The following STAG1 variants were observed in gnomAD, a reference collection of about 807,000 sequenced individuals.
STAG1 encodes STAG1 cohesin complex component.
Under a neutral mutation model 170.9 loss-of-function variants are expected in STAG1, and 26 were observed. The ratio of observed to expected loss-of-function variants is 0.15; its 90% CI spans 0.11 to 0.21. The LOEUF is 0.21. Among genes scored for constraint, STAG1 ranks in the 10% least tolerant of loss-of-function variants. The pLI is 1.00. For synonymous variants in STAG1, 514 were observed against 497.7 expected, an observed-to-expected ratio of 1.03 and a Z score of -0.44; for missense variants, 964 against 1,509.5, an observed-to-expected ratio of 0.64 and a Z score of 5.99.
At chr3:136,589,594 G>A (rs1480807874) in intron 4 of STAG1, among the ~76,000 whole-genome samples, 1 of 139,516 alleles carries the variant, frequency 7.2e-6, no homozygotes. Flanking sequence ...CCAAGATCGT[G>A]CCACTGCACT....
At chr3:136,505,759 G>A (rs541708750) in intron 7 of STAG1, among the ~76,000 whole-genome samples, 47 of 152,252 alleles carry the variant, frequency 3.1e-4, no homozygotes, top group African/African-American at 9.9e-4. Flanking sequence ...AAAAAACCAC[G>A]TCAGTTAATG....
intron 3 of STAG1, among the ~76,000 whole-genome samples, chr3:136,604,708 T>G (rs1028147575): frequency 7.2e-5 from 11 of 152,160 alleles, no homozygotes; most frequent in African/African-American, 2.7e-4. Flanking sequence ...TGGAGTGCAG[T>G]GGCACTCTCT....
Position 136,336,573 on chromosome 3 carries a change from A to C in STAG1, c.*1681T>G, listed in dbSNP as rs777081750. 13 of 152,256 alleles carry C rather than the reference A, an allele frequency of 8.5e-5. No homozygotes were observed. The highest frequency in any genetic ancestry group is 1.8e-4 in the Non-Finnish European group (12 of 68,060). 9.4% of individuals were successfully genotyped at this position (152,256 alleles called of 1,614,324 possible). On this transcript the variant is annotated 3_prime_UTR_variant, in exon 34 of 34. Coordinates refer to ENST00000383202, the MANE Select transcript of STAG1 (RefSeq NM_005862.3). ...ACAGGCAGGCAGGGCTGGGGTGGAC[A>C]GTCCAGTCATTCCTGCACCTTCACT...
chr3:136,500,361 T>C (rs1444842518), intron 8 of STAG1, 65 bp from the exon 9 acceptor site: 5 of 1,077,378 alleles, frequency 4.6e-6, no homozygotes, highest in South Asian at 2.9e-5. Context: ...ACAGCTCCAA[T>C]TGTTTTTAAT....
At chr3:136,502,114 G>A (rs1449534716) in intron 8 of STAG1, among the ~76,000 whole-genome samples, 1 of 151,946 alleles carries the variant, frequency 6.6e-6, no homozygotes, top group Non-Finnish European at 1.5e-5. Context: ...GGAGGTGGAG[G>A]TTGCGGTGAG....
At chr3:136,490,454 T>C (rs2090102854) in intron 9 of STAG1, among the ~76,000 whole-genome samples, 1 of 152,194 alleles carries the variant, frequency 6.6e-6, no homozygotes. Flanking sequence ...ACTGCATCAC[T>C]AAGAGTCTCA....
chr3:136,449,819 A>G lies in STAG1; in HGVS notation c.1428+2214T>C, dbSNP rs547021422. Among the ~76,000 whole-genome samples, 85 of 152,266 alleles carry G rather than the reference A, an allele frequency of 5.6e-4. 1 individual carries two copies. The South Asian group carries it at 0.017, about 31-fold the overall frequency. ...AACATTTTCCTTTAATGAATAATCAAAGTCAGTTAGCGAAGATCATCATAT... is the reference window on the plus strand; with the variant it reads ...AACATTTTCCTTTAATGAATAATCAGAGTCAGTTAGCGAAGATCATCATAT... On this transcript the variant is annotated intron_variant, in intron 14 of 33. Transcript: ENST00000383202.
At chr3:136,562,555 A>G (rs1224079638) in intron 5 of STAG1, among the ~76,000 whole-genome samples, 1 of 149,368 alleles carries the variant, frequency 6.7e-6, no homozygotes, top group Non-Finnish European at 1.5e-5. Flanking sequence ...ATGTTTCTTT[A>G]CTCTACTTTA....
chr3:136,718,398 C>T (rs1463968364), intron 1 of STAG1, among the ~76,000 whole-genome samples: 2 of 152,078 alleles, frequency 1.3e-5, no homozygotes, highest in Non-Finnish European at 1.5e-5. Flanking sequence ...TACATTTTTA[C>T]ACTGTTCTAA....
chr3:136,566,473 C>T (rs966920811), intron 5 of STAG1, among the ~76,000 whole-genome samples: 2 of 152,166 alleles, frequency 1.3e-5, no homozygotes, highest in African/African-American at 2.4e-5. Context: ...CAAAGTAAGG[C>T]AGCTGCACAT....
intron 29 of STAG1, among the ~76,000 whole-genome samples, chr3:136,347,152 T>A (rs1476143117): frequency 6.6e-6 from 1 of 150,842 alleles, no homozygotes; most frequent in South Asian, 2.1e-4. Flanking sequence ...CCCAGCACTT[T>A]GAGAAGCCAA....
Position 136,343,878 on chromosome 3 carries a change from G to C in STAG1, c.3400C>G (p.Gln1134Glu). Residue 1134 changes from glutamine (Q) to glutamate (E), a missense_variant, in exon 30 of 34, where the codon CAA (glutamine) becomes GAA (glutamate). By Grantham distance (29) the Gln-to-Glu change is conservative. Transcript: ENST00000383202. ...GAACCATGTTCAGACTCAGGTTCTTGAATCTGGTCTCCCATGGGCCGACTG... is the reference window on the plus strand; with the variant it reads ...GAACCATGTTCAGACTCAGGTTCTTCAATCTGGTCTCCCATGGGCCGACTG... The part of the protein sequence containing the change: ...ENSRPMGDQI[Q>E]EPESEHGSEP... The C allele has an allele frequency of 1.3e-6, 2 of 1,599,540 alleles. No homozygotes were observed. Among genetic ancestry groups the C allele is most frequent in the Non-Finnish European group, 1.7e-6 (2 of 1,173,422 alleles).
intron 9 of STAG1, among the ~76,000 whole-genome samples, chr3:136,498,284 T>TAC (rs71157390): frequency 0.064 from 5,548 of 86,320 alleles, 309 homozygotes; most frequent in African/African-American, 0.09. Flanking sequence ...CACACACACA[T>TAC]ACACACACAC....
intron 1 of STAG1, among the ~76,000 whole-genome samples, chr3:136,714,925 AAT>A (rs1290899528): frequency 1.8e-5 from 2 of 108,332 alleles, no homozygotes; most frequent in Non-Finnish European, 3.5e-5. Context: ...AAAAAAAACA[AAT>A]ATATATATTA....
At chr3:136,453,330 G>A (rs1182145298) in intron 13 of STAG1, among the ~76,000 whole-genome samples, 2 of 152,024 alleles carry the variant, frequency 1.3e-5, no homozygotes, top group African/African-American at 2.4e-5. Flanking sequence ...GGTGGCTCAC[G>A]CCTATAATCC....
intron 13 of STAG1, among the ~76,000 whole-genome samples, chr3:136,460,519 T>C (rs1213796243): frequency 6.6e-6 from 1 of 152,064 alleles, no homozygotes; most frequent in Non-Finnish European, 1.5e-5. Flanking sequence ...GTAGAATCGC[T>C]TGAACCCAGG....
At chr3:136,496,425 A>T (rs72989425) in intron 9 of STAG1, among the ~76,000 whole-genome samples, 1 of 152,350 alleles carries the variant, frequency 6.6e-6, no homozygotes, top group South Asian at 2.1e-4. Flanking sequence ...CAATAAATTT[A>T]GAAGCATTCA....
In STAG1 at chr3:136,361,758, C is replaced by T. The variant is rs570616750; in HGVS notation, c.2787+1608G>A. Among the ~76,000 whole-genome samples the T allele has an allele frequency of 2.0e-5, 3 of 152,104 alleles. No homozygotes were observed. In the East Asian group the frequency reaches 5.8e-4, roughly 29 times the overall value. On this transcript the variant is annotated intron_variant, in intron 26 of 33. Coordinates refer to ENST00000383202, the MANE Select transcript of STAG1 (RefSeq NM_005862.3). ...CCCGAGTAGCTGGGACTACGGGGTG[C>T]GTGCCAACACATCTGGCTATTTTTG... is the stretch of plus-strand genomic sequence containing the variant.
chr3:136,574,293 A>G (rs969335201), intron 4 of STAG1, among the ~76,000 whole-genome samples: 8 of 151,880 alleles, frequency 5.3e-5, no homozygotes, highest in East Asian at 1.9e-4. Context: ...CACTTTTAAT[A>G]TAAGAGCAGA....
Sources: gnomAD v4.1 joint callset for allele counts (sites outside exome capture counted in the v4.1 genomes callset) on GRCh38, gnomAD v4.1.1 for gene constraint, MANE v1.5 for transcripts, NCBI Gene and HGNC (gene_info 2026-07-23, HGNC 2026-07-21) for gene names.